The following SLC8A1 variants were observed in gnomAD, a reference collection of about 807,000 sequenced individuals.
The protein encoded by SLC8A1 is sodium/calcium exchanger 1.
Under a neutral mutation model 68.3 loss-of-function variants are expected in SLC8A1, and 18 were observed. That is an observed-to-expected ratio of 0.26 (90% CI 0.18 to 0.39). SLC8A1 has a LOEUF of 0.39. SLC8A1 is among the 10% of genes least tolerant of loss of function. SLC8A1 has a pLI of 1.00. For missense variants in SLC8A1, 985 were observed against 1,156.7 expected (o/e 0.85, Z 2.15); for synonymous variants, 475 against 415.5 (o/e 1.14, Z -1.74).
At chr2:40,397,903 A>G (rs1349415079) in intron 2 of SLC8A1, among the ~76,000 whole-genome samples, 2 of 152,176 alleles carry the variant, frequency 1.3e-5, no homozygotes, top group Non-Finnish European at 2.9e-5. Flanking sequence ...CACTAAATTT[A>G]TCATGGTTGG....
Position 40,353,962 on chromosome 2 carries a change from A to G in SLC8A1, c.1808+74511T>C, listed in dbSNP as rs146987681. Among the ~76,000 whole-genome samples, 773 of 152,346 alleles carry G rather than the reference A, an allele frequency of 5.1e-3. 7 individuals are homozygous for G. The highest frequency in any genetic ancestry group is 8.7e-3 in the Non-Finnish European group (590 of 68,032). On this transcript the variant is annotated intron_variant, in intron 2 of 7. Transcript: ENST00000406785. ...GCGTACCATTTTACCTACAAGGCAC[A>G]CAGTAAGTGGTTGATCCAATCAACA...
At chr2:40,409,113 TTGAGACAA>T (rs945649842) in intron 2 of SLC8A1, among the ~76,000 whole-genome samples, 1 of 152,148 alleles carries the variant, frequency 6.6e-6, no homozygotes, top group Non-Finnish European at 1.5e-5. Context: ...CATTTACATT[TTGAGACAA>T]TGAGACAAGA....
intron 2 of SLC8A1, among the ~76,000 whole-genome samples, chr2:40,215,569 G>C (rs10167955): frequency 6.8e-6 from 1 of 146,642 alleles, no homozygotes; most frequent in Non-Finnish European, 1.5e-5. Flanking sequence ...CCCGGGAAGC[G>C]GAGCTTGCAG....
intron 2 of SLC8A1, chr2:40,254,884 A>G (rs2063630409): frequency 6.6e-6 from 1 of 152,156 alleles, no homozygotes; most frequent in Non-Finnish European, 1.5e-5. Context: ...ATTACATCAA[A>G]GAGTGAACAC....
At chr2:40,446,550 CTTCCT>C (rs1701482678) in intron 1 of SLC8A1, 1 of 152,240 alleles carries the variant, frequency 6.6e-6, no homozygotes, top group Non-Finnish European at 1.5e-5. Flanking sequence ...ATGTTCTCTT[CTTCCT>C]TTCAACTCCT....
chr2:40,235,942 T>G (rs920125619), intron 2 of SLC8A1, among the ~76,000 whole-genome samples: 10 of 151,910 alleles, frequency 6.6e-5, no homozygotes, highest in African/African-American at 2.4e-4. Flanking sequence ...AGTTCTAGTT[T>G]GATTGCACTG....
At chr2:40,108,755 A>G (rs755384415) in exon 8 of SLC8A1, 3 of 152,148 alleles carry the variant, frequency 2.0e-5, no homozygotes, top group Non-Finnish European at 4.4e-5. Context: ...GTGGTTACAT[A>G]GTTGGTTACT....
chr2:40,164,967 G>A lies in SLC8A1; in HGVS notation c.1948C>T (p.Gln650Ter). Residue 650 changes from glutamine (Q) to a stop codon, truncating the protein, a stop_gained, in exon 5 of 8, where the codon CAG becomes TAG. Transcript: ENST00000406785. LOFTEE classifies it high-confidence loss of function. ...TCTTCCTCTTTGCTGGTCAGTGGCT[G>A]CTTGTCATCATATTCGTCTGTGAAA... 6.2e-7 allele frequency: 1 copy of A among 1,613,846 alleles called. No individual in the cohort carries two copies. The highest frequency in any genetic ancestry group is 8.5e-7 in the Non-Finnish European group (1 of 1,179,842).
chr2:40,224,298 G>C (rs529065781), intron 2 of SLC8A1, among the ~76,000 whole-genome samples: 2 of 152,238 alleles, frequency 1.3e-5, no homozygotes, highest in South Asian at 4.1e-4. Context: ...TCAGGAGGCA[G>C]AGTCAGAGAG....
intron 2 of SLC8A1, among the ~76,000 whole-genome samples, chr2:40,319,927 C>T (rs781478763): frequency 2.6e-5 from 4 of 152,094 alleles, no homozygotes; most frequent in Non-Finnish European, 5.9e-5. Flanking sequence ...AAAAACTGAA[C>T]ACAATATTGC....
At chr2:40,151,087 T>C (rs1161485899) in intron 6 of SLC8A1, among the ~76,000 whole-genome samples, 1 of 152,182 alleles carries the variant, frequency 6.6e-6, no homozygotes, top group Non-Finnish European at 1.5e-5. Context: ...TAAGAATACT[T>C]AAGAACACTG....
At chr2:40,320,356 T>A (rs1331912721) in intron 2 of SLC8A1, among the ~76,000 whole-genome samples, 4 of 152,160 alleles carry the variant, frequency 2.6e-5, no homozygotes, top group Non-Finnish European at 4.4e-5. Context: ...GACATTATTC[T>A]CCAAACCATT....
At chr2:40,399,834 A>C (rs558018017) in intron 2 of SLC8A1, among the ~76,000 whole-genome samples, 1 of 152,264 alleles carries the variant, frequency 6.6e-6, no homozygotes, top group East Asian at 1.9e-4. Flanking sequence ...ATATTGCCTT[A>C]TGCCCAATTC....
chr2:40,237,841 C>T (rs2060610468), intron 2 of SLC8A1, among the ~76,000 whole-genome samples: 2 of 152,140 alleles, frequency 1.3e-5, no homozygotes, highest in Non-Finnish European at 2.9e-5. Context: ...CCCTCAGCTG[C>T]AGGTCTGTTG....
At chr2:40,262,869 A>C (rs421576) in intron 2 of SLC8A1, among the ~76,000 whole-genome samples, 39,987 of 152,078 alleles carry the variant, frequency 0.26, 5,742 homozygotes, top group Admixed American at 0.35. Flanking sequence ...CCTCTTTCAA[A>C]CACTTACTAA....
At chr2:40,325,466 TCATTA>T (rs1369230961) in intron 2 of SLC8A1, among the ~76,000 whole-genome samples, 1 of 152,172 alleles carries the variant, frequency 6.6e-6, no homozygotes, top group Non-Finnish European at 1.5e-5. Context: ...TTCTAGAAAC[TCATTA>T]TTCAATTTAT....
At chr2:40,415,974 A>G (rs1693744392) in intron 2 of SLC8A1, among the ~76,000 whole-genome samples, 1 of 148,482 alleles carries the variant, frequency 6.7e-6, no homozygotes, top group Non-Finnish European at 1.5e-5. Context: ...AGGCAGGAGA[A>G]TTGCTTGAAC....
At chr2:40,253,358 A>G (rs527638043) in intron 2 of SLC8A1, among the ~76,000 whole-genome samples, 4 of 151,462 alleles carry the variant, frequency 2.6e-5, no homozygotes, top group Admixed American at 2.6e-4. Flanking sequence ...ACAATGGAAT[A>G]TTGTCCAGCC....
chr2:40,473,156 G>C (rs1393293703), intron 1 of SLC8A1, among the ~76,000 whole-genome samples: 1 of 152,018 alleles, frequency 6.6e-6, no homozygotes, highest in African/African-American at 2.4e-5. Flanking sequence ...AAAGACCTGA[G>C]ATACAGAGGA....
Sources: gnomAD v4.1 joint callset for allele counts (sites outside exome capture counted in the v4.1 genomes callset) on GRCh38, gnomAD v4.1.1 for gene constraint, MANE v1.5 for transcripts, NCBI Gene and HGNC (gene_info 2026-07-23, HGNC 2026-07-21) for gene names.